Variants in CCDC14 observed in about 807,000 individuals in gnomAD.
CCDC14 encodes coiled-coil domain-containing protein 14.
CCDC14 carries 71 observed loss-of-function variants against 81.4 expected under a neutral mutation model. That is an observed-to-expected ratio of 0.87 (90% CI 0.72 to 1.06). The LOEUF is 1.06. Among genes scored for constraint, CCDC14 ranks in the 50% least tolerant of loss-of-function variants. The pLI, the probability that CCDC14 is intolerant of heterozygous loss-of-function variation, is 0.00. For missense variants in CCDC14, 1,046 were observed against 1,047.3 expected (o/e 1.00, Z 0.02); for synonymous variants, 332 against 364.8 (o/e 0.91, Z 1.03).
chr3:123,904,731 G>A (rs1447734698), intron 5 of CCDC14, among the ~76,000 whole-genome samples: 1 of 151,966 alleles, frequency 6.6e-6, no homozygotes, highest in Non-Finnish European at 1.5e-5. Context: ...TAAATGGAGT[G>A]TTATACAATA....
chr3:123,921,756 C>CA (rs201849450), intron 12 of CCDC14, among the ~76,000 whole-genome samples: 5,937 of 151,026 alleles, frequency 0.039, 166 homozygotes, highest in Non-Finnish European at 0.059. Flanking sequence ...AAAAATTTGT[C>CA]AAAAAAAAAT....
chr3:123,933,856 G>A, intron 9 of CCDC14, 101 bp from the exon 10 acceptor site: 1 of 720,132 alleles, frequency 1.4e-6, no homozygotes, highest in Non-Finnish European at 2.3e-6. Context: ...AACCCACTAA[G>A]ACAGCAGAAG....
At chr3:123,897,534 T>C (rs1428749321) in exon 6 of CCDC14, 2 of 931,678 alleles carry the variant, frequency 2.1e-6, no homozygotes, top group African/African-American at 3.4e-5. Flanking sequence ...AGAGCAGTTC[T>C]GCTTTTCCGT....
At chr3:123,907,805 T>C (rs1287020687) in intron 5 of CCDC14, among the ~76,000 whole-genome samples, 3 of 151,942 alleles carry the variant, frequency 2.0e-5, no homozygotes. Flanking sequence ...TCTGGAGTCT[T>C]AGCATCCACT....
At chr3:123,928,879 G>A (rs1356393479) in intron 12 of CCDC14, among the ~76,000 whole-genome samples, 3 of 152,118 alleles carry the variant, frequency 2.0e-5, no homozygotes, top group Non-Finnish European at 2.9e-5. Flanking sequence ...CTTAATTTGC[G>A]TGGCCTCAGT....
downstream of CCDC14, among the ~76,000 whole-genome samples, chr3:123,912,887 A>G (rs150399908): frequency 5.3e-5 from 8 of 152,010 alleles, no homozygotes; most frequent in African/African-American, 1.7e-4. Flanking sequence ...CCCCACCTCT[A>G]TTTCAGTCAG....
downstream of CCDC14, among the ~76,000 whole-genome samples, chr3:123,894,313 A>G (rs1577192065): frequency 6.6e-6 from 1 of 152,210 alleles, no homozygotes; most frequent in African/African-American, 2.4e-5. Flanking sequence ...CCATTGGCCC[A>G]TATGTCTGTG....
chr3:123,905,772 C>A (rs139318043), intron 5 of CCDC14, among the ~76,000 whole-genome samples: 144 of 152,200 alleles, frequency 9.5e-4, no homozygotes, highest in African/African-American at 3.1e-3. Context: ...TGTAAGCTCA[C>A]AGGGGAAAAT....
intron 5 of CCDC14, among the ~76,000 whole-genome samples, chr3:123,903,297 A>ACACAC (rs2034216128): frequency 6.9e-6 from 1 of 144,210 alleles, no homozygotes; most frequent in Admixed American, 6.9e-5. Flanking sequence ...TTATTTTTCA[A>ACACAC]ACACACACAC....
downstream of CCDC14, among the ~76,000 whole-genome samples, chr3:123,895,829 A>G (rs1186343530): frequency 6.6e-6 from 1 of 152,220 alleles, no homozygotes; most frequent in Non-Finnish European, 1.5e-5. Flanking sequence ...GGGAATGTAA[A>G]TTGGTACAAC....
chr3:123,919,497 AGCCT>A (rs1039837025), intron 12 of CCDC14, among the ~76,000 whole-genome samples: 1 of 152,220 alleles, frequency 6.6e-6, no homozygotes, highest in Non-Finnish European at 1.5e-5. Flanking sequence ...CAGGGAATAC[AGCCT>A]GCAACCCTGC....
chr3:123,914,903 C>A lies in CCDC14; in HGVS notation c.2594G>T (p.Ser865Ile), dbSNP rs764164942. ...VFTSDLMSDWSISSFSTFTSR... is the reference protein window; with the variant it reads ...VFTSDLMSDWIISSFSTFTSR... ...AGTGAACGTTGAAAACGAAGAGATG[C>A]TCCAGTCAGACATCAAGTCAGAAGT... is the stretch of plus-strand genomic sequence containing the variant. The change falls in exon 13 of 13, where the codon AGC (serine) becomes ATC (isoleucine). Residue 865 changes from serine to isoleucine, a missense_variant. Physicochemically the swap from Ser to Ile is moderately radical, Grantham distance 142 (BLOSUM62 -2). Coordinates refer to ENST00000409697, the MANE Select transcript of CCDC14 (RefSeq NM_001366335.1). The A allele has an allele frequency of 2.5e-6, 4 of 1,614,010 alleles. No homozygotes were observed. The highest frequency in any genetic ancestry group is 3.4e-6 in the Non-Finnish European group (4 of 1,179,878).
At chr3:123,936,798 TG>T (rs1394005149) in intron 9 of CCDC14, among the ~76,000 whole-genome samples, 1 of 152,068 alleles carries the variant, frequency 6.6e-6, no homozygotes, top group Non-Finnish European at 1.5e-5. Flanking sequence ...CTGTGACACG[TG>T]TTTACCTATG....
chr3:123,920,255 C>G (rs568783475), intron 12 of CCDC14, among the ~76,000 whole-genome samples: 60 of 152,168 alleles, frequency 3.9e-4, no homozygotes, highest in African/African-American at 1.4e-3. Context: ...AGAAAGCCTA[C>G]AGGTATTATG....
chr3:123,943,641 C>G (rs912772177), intron 9 of CCDC14, among the ~76,000 whole-genome samples: 34 of 152,150 alleles, frequency 2.2e-4, no homozygotes, highest in Non-Finnish European at 1.0e-4. Flanking sequence ...GGTTTCCCCA[C>G]TCTGTCTATT....
chr3:123,895,185 G>A (rs925327330), downstream of CCDC14, among the ~76,000 whole-genome samples: 1 of 152,032 alleles, frequency 6.6e-6, no homozygotes, highest in African/African-American at 2.4e-5. Context: ...TACTACCTTT[G>A]CAAAAAGTTT....
At chr3:123,942,468 A>G (rs2036398942) in intron 9 of CCDC14, among the ~76,000 whole-genome samples, 1 of 152,068 alleles carries the variant, frequency 6.6e-6, no homozygotes, top group Admixed American at 6.6e-5. Flanking sequence ...CCCATCTTAT[A>G]TCGTAGTAGC....
chr3:123,931,071 G>C (rs756649408), intron 12 of CCDC14, 31 bp downstream of exon 12: 24 of 1,518,438 alleles, frequency 1.6e-5, no homozygotes, highest in Non-Finnish European at 2.0e-5. Context: ...AATAAAAAAG[G>C]CATGAGTTAT....
chr3:123,960,367 T>A (rs571683933), intron 1 of CCDC14, among the ~76,000 whole-genome samples: 1 of 152,350 alleles, frequency 6.6e-6, no homozygotes, highest in East Asian at 1.9e-4. Context: ...TTGTTCAAAG[T>A]CATACATCTA....
Sources: allele counts gnomAD v4.1 joint callset (sites outside exome capture counted in the v4.1 genomes callset), GRCh38; gene constraint gnomAD v4.1.1; transcripts MANE v1.5; gene names NCBI Gene and HGNC (gene_info 2026-07-23, HGNC 2026-07-21).